The following GNGT1 variants were observed in gnomAD, a reference collection of about 807,000 sequenced individuals.
GNGT1 encodes the protein G protein subunit gamma transducin 1, also known as guanine nucleotide-binding protein G(T) subunit gamma-T1.
In GNGT1, 4 loss-of-function variants were observed where a neutral mutation model predicts 7.4. That is an observed-to-expected ratio of 0.54 (90% CI 0.27 to 1.24). The LOEUF (loss-of-function observed/expected upper bound fraction) is 1.24. GNGT1 is among the 50% of genes most tolerant of loss of function. The probability of loss-of-function intolerance (pLI) is 0.12; values close to 1 mark genes in which losing one functional copy is unlikely to be tolerated. For synonymous variants in GNGT1, 37 were observed against 30.2 expected (o/e 1.23, Z -0.74); for missense variants, 95 against 82.4 (o/e 1.15, Z -0.59).
In GNGT1 at chr7:93,906,852, T is replaced by C; in HGVS notation, c.96+10T>C. The C allele has an allele frequency of 6.7e-7, 1 of 1,502,780 alleles. No homozygotes were observed. The highest frequency in any genetic ancestry group is 9.2e-7 in the Non-Finnish European group (1 of 1,092,042). The allele number at this position is 1,502,780 out of a possible 1,614,324, so 93.1% of individuals were successfully genotyped here. On this transcript the variant is annotated intron_variant, in intron 2 of 2. Coordinates refer to ENST00000248572, the MANE Select transcript of GNGT1 (RefSeq NM_021955.5). ...ACTGGAAAGAATGCTAGTAAGTTGC[T>C]GCTTTCTTTAGTATTTTATTTTAAG...
At chr7:93,910,694 A>G in intron 2 of GNGT1, 96 bp from the exon 3 acceptor site, 1 of 872,666 alleles carries the variant, frequency 1.1e-6, no homozygotes, top group East Asian at 2.7e-5. Context: ...AACTGAAATT[A>G]TACAACCTGA....
At chr7:93,908,450 C>T (rs1254812417) in intron 2 of GNGT1, among the ~76,000 whole-genome samples, 1 of 151,696 alleles carries the variant, frequency 6.6e-6, no homozygotes, top group Non-Finnish European at 1.5e-5. Flanking sequence ...GAACACCTGT[C>T]TTTTCATTTT....
intron 2 of GNGT1, among the ~76,000 whole-genome samples, chr7:93,908,042 T>C (rs973396887): frequency 6.6e-6 from 1 of 152,158 alleles, no homozygotes; most frequent in Non-Finnish European, 1.5e-5. Context: ...AGGATTATTG[T>C]TTTGTAGGCA....
chr7:93,907,631 C>T (rs766552762), intron 2 of GNGT1, among the ~76,000 whole-genome samples: 47 of 152,268 alleles, frequency 3.1e-4, no homozygotes, highest in Non-Finnish European at 5.9e-4. Flanking sequence ...TTTTAGATCA[C>T]TTCATTTTAG....
chr7:93,910,992 T>G lies in GNGT1; in HGVS notation c.*74T>G. 1 of 1,058,374 alleles carries G rather than the reference T, an allele frequency of 9.4e-7. No homozygotes were observed. The highest frequency in any genetic ancestry group is 2.2e-4 in the Middle Eastern group (1 of 4,590). 65.6% of individuals were successfully genotyped at this position (1,058,374 alleles called of 1,614,324 possible). ...ATGTTAATAACAATATGAATTTTTC[T>G]CATGCATACTATTACTACTAAGCAT... On this transcript the variant is annotated 3_prime_UTR_variant, in exon 3 of 3. Transcript: ENST00000248572.
Position 93,910,937 on chromosome 7 carries a change from A to C in GNGT1, c.*19A>C, listed in dbSNP as rs1325108229. 3 of 1,515,142 alleles carry C rather than the reference A, an allele frequency of 2.0e-6. No individual in the cohort carries two copies. The highest frequency in any genetic ancestry group is 2.7e-6 in the Non-Finnish European group (3 of 1,121,770). The allele number at this position is 1,515,142 out of a possible 1,614,324, so 93.9% of individuals were successfully genotyped here. On this transcript the variant is annotated 3_prime_UTR_variant, in exon 3 of 3. Transcript: ENST00000248572. ...TTCATAATACAAACAAAAAGAAAAA[A>C]AATTAAACAAATTCTTGGAAATATC...
In GNGT1 at chr7:93,907,772, T is replaced by C. The variant is rs185622486; in HGVS notation, c.96+930T>C. On this transcript the variant is annotated intron_variant, in intron 2 of 2. Transcript: ENST00000248572. ...ATCTTCATACTTTGTTCAAAATGCC[T>C]GCTCCCAGTCAAAACTGGGATTTTG... Among the ~76,000 whole-genome samples the C allele has an allele frequency of 2.0e-4, 30 of 152,322 alleles. 1 individual carries two copies. Among genetic ancestry groups the C allele is most frequent in the Admixed American group, 2.0e-3 (30 of 15,298 alleles).
intron 2 of GNGT1, chr7:93,909,855 A>G (rs1584091531): frequency 5.1e-6 from 1 of 196,802 alleles, no homozygotes; most frequent in Non-Finnish European, 1.0e-5. Context: ...TGAAAAAAAA[A>G]AAAACAGTAA....
In GNGT1 at chr7:93,910,789, G is replaced by C; in HGVS notation, c.97-1G>C. The C allele has an allele frequency of 1.3e-6, 2 of 1,599,342 alleles. No homozygotes were observed. Among genetic ancestry groups the C allele is most frequent in the South Asian group, 1.1e-5 (1 of 88,818 alleles). ...GTCATCCCTTTTTCCTTCCCCTTAA[G>C]GTTTCCAAATGTTGTGAAGAAGTAA... is the stretch of plus-strand genomic sequence containing the variant. On this transcript the variant is annotated splice_acceptor_variant, in intron 2 of 2. Transcript: ENST00000248572. LOFTEE classifies it high-confidence loss of function.
At chr7:93,910,656 A>G (rs1395056398) in intron 2 of GNGT1, 134 bp from the exon 3 acceptor site, 3 of 521,234 alleles carry the variant, frequency 5.8e-6, no homozygotes, top group Non-Finnish European at 1.0e-5. Flanking sequence ...CAAAGTAAAT[A>G]TGCATTGGTG....
At chr7:93,909,536 C>T in intron 2 of GNGT1, 1 of 701,348 alleles carries the variant, frequency 1.4e-6, no homozygotes, top group Non-Finnish European at 2.6e-6. Context: ...GAATTAAGGA[C>T]AGCAAGTTAC....
chr7:93,910,276 C>T (rs1794441143), intron 2 of GNGT1: 1 of 152,318 alleles, frequency 6.6e-6, no homozygotes, highest in Non-Finnish European at 1.5e-5. Flanking sequence ...AGCCAAAGGT[C>T]CCTGACCCCT....
chr7:93,906,970 A>G lies in GNGT1; in HGVS notation c.96+128A>G, dbSNP rs1794383677. On this transcript the variant is annotated intron_variant, in intron 2 of 2. Coordinates refer to ENST00000248572, the MANE Select transcript of GNGT1 (RefSeq NM_021955.5). ...AATTGTTCATCTAAAAATTTATCAA[A>G]GATTAAGAAAATTGATAATCAATCA... 4 of 520,524 alleles carry G rather than the reference A, an allele frequency of 7.7e-6. No individual in the cohort carries two copies. The African/African-American group carries it at 8.6e-5, about 11-fold the overall frequency. 32.2% of individuals were successfully genotyped at this position (520,524 alleles called of 1,614,324 possible). A position where few individuals can be genotyped will look rare whatever the true frequency, so the allele number is the denominator to read the frequency against.
chr7:93,906,723 T>A lies in GNGT1; in HGVS notation c.-11-13T>A. On this transcript the variant is annotated splice_polypyrimidine_tract_variant and intron_variant, in intron 1 of 2. Transcript: ENST00000248572. ...GCAATTCATGCATAGCTGCTAACCT[T>A]CTACATCTTCAGCAGGCAAAAAGAT... 7.1e-7 allele frequency: 1 copy of A among 1,418,318 alleles called. No individual in the cohort carries two copies. The highest frequency in any genetic ancestry group is 9.9e-7 in the Non-Finnish European group (1 of 1,009,366). 87.9% of individuals were successfully genotyped at this position (1,418,318 alleles called of 1,614,324 possible). A position where few individuals can be genotyped will look rare whatever the true frequency, so the allele number is the denominator to read the frequency against.
chr7:93,906,753 G>A lies in GNGT1; in HGVS notation c.7G>A (p.Val3Ile). The change falls in exon 2 of 3, where the codon GTA becomes ATA. Residue 3 changes from valine (V) to isoleucine (I), a missense_variant. Transcript: ENST00000248572. ...ATCTTCAGCAGGCAAAAAGATGCCA[G>A]TAATCAATATTGAGGACCTGACAGA... MP[V>I]INIEDLTEKD... 1 of 1,593,014 alleles carries A rather than the reference G, an allele frequency of 6.3e-7. No individual in the cohort carries two copies. Among genetic ancestry groups the A allele is most frequent in the Non-Finnish European group, 8.6e-7 (1 of 1,165,852 alleles).
intron 2 of GNGT1, 184 bp from the exon 3 acceptor site, chr7:93,910,606 T>C: frequency 3.1e-6 from 1 of 320,474 alleles, no homozygotes; most frequent in Non-Finnish European, 5.8e-6. Context: ...TGGAGATATA[T>C]CCAGAAGGAG....
In GNGT1 at chr7:93,906,606, C is replaced by T. The variant is rs938050205; in HGVS notation, c.-50C>T. ...AGAGAGCTCATATGAAATTGGTTAT[C>T]GTGGGATATTTAAAATAAAACAAAG... On this transcript the variant is annotated 5_prime_UTR_variant, in exon 1 of 3. Transcript: ENST00000248572. 75 of 627,848 alleles carry T rather than the reference C, an allele frequency of 1.2e-4. 1 individual carries two copies. The highest frequency in any genetic ancestry group is 8.8e-4 in the South Asian group (44 of 50,152). 38.9% of individuals were successfully genotyped at this position (627,848 alleles called of 1,614,324 possible).
rs748949063 is a variant in GNGT1, at chr7:93,910,931, GA to G, written c.*21del. The G allele has an allele frequency of 1.8e-5, 28 of 1,526,290 alleles. No homozygotes were observed. Among genetic ancestry groups the G allele is most frequent in the East Asian group, 2.3e-5 (1 of 43,424 alleles). The allele number at this position is 1,526,290 out of a possible 1,614,324, so 94.5% of individuals were successfully genotyped here. ...TGTGATTTCATAATACAAACAAAAAGAAAAAAAATTAAACAAATTCTTGGAA... is the reference window on the plus strand; with the variant it reads ...TGTGATTTCATAATACAAACAAAAAGAAAAAAATTAAACAAATTCTTGGAA... On this transcript the variant is annotated 3_prime_UTR_variant, in exon 3 of 3. Transcript: ENST00000248572.
intron 2 of GNGT1, among the ~76,000 whole-genome samples, chr7:93,908,479 G>A (rs1034046663): frequency 2.6e-5 from 4 of 151,624 alleles, no homozygotes; most frequent in African/African-American, 9.7e-5. Flanking sequence ...CTGGTGATAG[G>A]GATGACGAAG....
Sources: gnomAD v4.1 joint callset for allele counts (sites outside exome capture counted in the v4.1 genomes callset) on GRCh38, gnomAD v4.1.1 for gene constraint, MANE v1.5 for transcripts, NCBI Gene and HGNC (gene_info 2026-07-23, HGNC 2026-07-21) for gene names.